The following FER variants were observed in gnomAD, a reference collection of about 807,000 sequenced individuals.
FER encodes the protein tyrosine-protein kinase Fer.
In FER, 63 loss-of-function variants were observed where a neutral mutation model predicts 111.0. The observed-to-expected ratio is 0.57, with a 90% CI of 0.46 to 0.70. The LOEUF (loss-of-function observed/expected upper bound fraction) is 0.70, where lower values mean the gene tolerates loss of function less well. FER is among the 30% of genes least tolerant of loss of function. The probability of loss-of-function intolerance (pLI) is 0.00; values close to 1 mark genes in which losing one functional copy is unlikely to be tolerated. For missense variants in FER, 914 were observed against 954.0 expected, an observed-to-expected ratio of 0.96 and a Z score of 0.55; for synonymous variants, 327 against 313.9, an observed-to-expected ratio of 1.04 and a Z score of -0.44.
chr5:108,959,422 A>C, intron 13 of FER, 75 bp downstream of exon 13: 1 of 1,479,012 alleles, frequency 6.8e-7, no homozygotes, highest in Non-Finnish European at 9.1e-7. Flanking sequence ...AACAGTAAAT[A>C]AAATTCTTAG....
At chr5:109,043,124 C>T (rs1249658867) in intron 14 of FER, among the ~76,000 whole-genome samples, 7 of 152,106 alleles carry the variant, frequency 4.6e-5, no homozygotes, top group Non-Finnish European at 7.4e-5. Context: ...TGAATGCTTA[C>T]AAGGCAAATG....
intron 10 of FER, among the ~76,000 whole-genome samples, chr5:108,930,996 A>G (rs367784517): frequency 1.3e-5 from 2 of 151,858 alleles, no homozygotes; most frequent in East Asian, 3.9e-4. Flanking sequence ...AAATTACATT[A>G]TAGATTTGAT....
chr5:109,164,540 TTG>T (rs1466520995), intron 17 of FER, among the ~76,000 whole-genome samples: 2 of 152,208 alleles, frequency 1.3e-5, no homozygotes, highest in Non-Finnish European at 2.9e-5. Context: ...CTGTATTGAA[TTG>T]TGTTTCTTTT....
chr5:108,773,045 C>G (rs1044211493), intron 2 of FER, among the ~76,000 whole-genome samples: 1 of 152,072 alleles, frequency 6.6e-6, no homozygotes, highest in Non-Finnish European at 1.5e-5. Flanking sequence ...CGAGTGTTCT[C>G]TTTTACCTTC....
chr5:109,152,922 G>A (rs898665636), intron 17 of FER, among the ~76,000 whole-genome samples: 1 of 151,866 alleles, frequency 6.6e-6, no homozygotes, highest in Non-Finnish European at 1.5e-5. Context: ...AAATATTCAT[G>A]TTGTCTTTTA....
chr5:109,089,916 C>T (rs756340532), intron 16 of FER, among the ~76,000 whole-genome samples: 1 of 152,170 alleles, frequency 6.6e-6, no homozygotes, highest in Admixed American at 6.5e-5. Flanking sequence ...AAGTGGCTTC[C>T]TGTGGTACCA....
At chr5:109,104,938 T>A (rs961757062) in intron 17 of FER, among the ~76,000 whole-genome samples, 1 of 151,818 alleles carries the variant, frequency 6.6e-6, no homozygotes, top group Non-Finnish European at 1.5e-5. Context: ...AGAGACAGGG[T>A]TTCACCATGT....
At chr5:109,074,013 T>G (rs539104141) in intron 16 of FER, among the ~76,000 whole-genome samples, 11 of 152,232 alleles carry the variant, frequency 7.2e-5, no homozygotes, top group African/African-American at 2.2e-4. Context: ...TTATCCTGTC[T>G]TACTCAAAAA....
chr5:108,890,324 T>C (rs1228257580), intron 9 of FER, among the ~76,000 whole-genome samples: 3 of 152,138 alleles, frequency 2.0e-5, no homozygotes, highest in African/African-American at 7.2e-5. Context: ...AATAAAATAC[T>C]GCACAGTGGG....
chr5:109,184,251 A>C (rs1401259552), intron 18 of FER, among the ~76,000 whole-genome samples: 1 of 152,166 alleles, frequency 6.6e-6, no homozygotes, highest in African/African-American at 2.4e-5. Context: ...GTACTGTGAA[A>C]TGGGAGGGAG....
At chr5:109,129,577 T>C (rs1445383896) in intron 17 of FER, among the ~76,000 whole-genome samples, 1 of 152,000 alleles carries the variant, frequency 6.6e-6, no homozygotes, top group Non-Finnish European at 1.5e-5. Flanking sequence ...TTGAAACATA[T>C]TCGATAAACT....
intron 2 of FER, among the ~76,000 whole-genome samples, chr5:108,772,877 G>A (rs1271904537): frequency 2.0e-5 from 3 of 152,174 alleles, no homozygotes; most frequent in Non-Finnish European, 4.4e-5. Flanking sequence ...AGCAGTAGCA[G>A]TCTAGTCTTT....
intron 12 of FER, among the ~76,000 whole-genome samples, chr5:108,957,334 G>A (rs1758557550): frequency 1.3e-5 from 2 of 151,520 alleles, no homozygotes; most frequent in South Asian, 4.1e-4. Context: ...CAAATGGCCA[G>A]TAGGTATTAT....
At chr5:108,950,297 AAC>A (rs1361916684) in intron 11 of FER, among the ~76,000 whole-genome samples, 1 of 152,176 alleles carries the variant, frequency 6.6e-6, no homozygotes, top group African/African-American at 2.4e-5. Context: ...TATCCTAGAG[AAC>A]AGTTTTATTG....
chr5:109,147,818 G>GAC (rs1357303035), intron 17 of FER, among the ~76,000 whole-genome samples: 7 of 150,820 alleles, frequency 4.6e-5, no homozygotes, highest in Non-Finnish European at 7.4e-5. Context: ...GAGAGAGAGA[G>GAC]AGAGAGAGAC....
At chr5:108,937,656 G>A (rs1025770786) in intron 10 of FER, among the ~76,000 whole-genome samples, 1 of 151,868 alleles carries the variant, frequency 6.6e-6, no homozygotes, top group Non-Finnish European at 1.5e-5. Flanking sequence ...GGATAGTGTG[G>A]TAGGGGAATA....
intron 13 of FER, among the ~76,000 whole-genome samples, chr5:108,978,331 C>T (rs72789342): frequency 0.034 from 5,138 of 152,250 alleles, 121 homozygotes; most frequent in Middle Eastern, 0.13. Flanking sequence ...GTTGTTTCTC[C>T]TGACAATCCT....
At chr5:108,752,370 T>A (rs984694389) in intron 1 of FER, among the ~76,000 whole-genome samples, 3 of 152,110 alleles carry the variant, frequency 2.0e-5, no homozygotes, top group Admixed American at 1.3e-4. Flanking sequence ...AACTTTGATT[T>A]CTTCTGTAAC....
intron 13 of FER, among the ~76,000 whole-genome samples, chr5:109,005,781 TCTGCCTTC>T (rs1443222760): frequency 1.3e-5 from 2 of 152,204 alleles, no homozygotes; most frequent in Non-Finnish European, 2.9e-5. Context: ...GACCATGTGT[TCTGCCTTC>T]CTGTGCTTTG....
Sources: gnomAD v4.1 joint callset for allele counts (sites outside exome capture counted in the v4.1 genomes callset) on GRCh38, gnomAD v4.1.1 for gene constraint, MANE v1.5 for transcripts, NCBI Gene and HGNC (gene_info 2026-07-23, HGNC 2026-07-21) for gene names.